The following ZFHX3 variants were observed in gnomAD, a reference collection of about 807,000 sequenced individuals.
The protein encoded by ZFHX3 is zinc finger homeobox protein 3.
Under a neutral mutation model 279.1 loss-of-function variants are expected in ZFHX3, and 42 were observed. The observed-to-expected ratio is 0.15, with a 90% CI of 0.12 to 0.19. The LOEUF is 0.19. Ranked by LOEUF, ZFHX3 falls within the 10% of genes least tolerant of loss-of-function variation. The pLI is 1.00. For missense variants in ZFHX3, 4,981 were observed against 4,754.0 expected (o/e 1.05, Z -1.40); for synonymous variants, 2,293 against 1,957.8 (o/e 1.17, Z -4.52).
chr16:73,289,819 AG>A (rs1170902398), intron 4 of ZFHX3, among the ~76,000 whole-genome samples: 4 of 152,116 alleles, frequency 2.6e-5, no homozygotes, highest in African/African-American at 9.7e-5. Context: ...GGAATCCAGG[AG>A]GGAGTGTGAG....
intron 2 of ZFHX3, among the ~76,000 whole-genome samples, chr16:73,667,792 T>C (rs373333488): frequency 3.5e-4 from 53 of 152,338 alleles, no homozygotes; most frequent in Admixed American, 2.3e-3. Flanking sequence ...CCACAAAACC[T>C]ACTGCACTGA....
chr16:73,322,872 G>A (rs2015605450), intron 3 of ZFHX3, among the ~76,000 whole-genome samples: 1 of 152,220 alleles, frequency 6.6e-6, no homozygotes, highest in African/African-American at 2.4e-5. Flanking sequence ...CTGACGGTCA[G>A]CAAACTGCAG....
At chr16:73,283,505 G>A (rs947263190) in intron 4 of ZFHX3, among the ~76,000 whole-genome samples, 1 of 152,126 alleles carries the variant, frequency 6.6e-6, no homozygotes, top group Non-Finnish European at 1.5e-5. Context: ...CTCCAGGCCC[G>A]CTACTGGGGG....
intron 4 of ZFHX3, among the ~76,000 whole-genome samples, chr16:73,266,146 A>G (rs189204716): frequency 2.1e-3 from 316 of 152,294 alleles, no homozygotes; most frequent in Non-Finnish European, 3.5e-3. Flanking sequence ...TACAAATGCA[A>G]ATGTAACCTT....
intron 2 of ZFHX3, among the ~76,000 whole-genome samples, chr16:73,573,106 A>G (rs1051079408): frequency 4.6e-5 from 7 of 152,218 alleles, no homozygotes; most frequent in Non-Finnish European, 7.3e-5. Context: ...CAAGATAATA[A>G]GAGAGTTATA....
Position 72,787,363 on chromosome 16 carries a change from G to A in ZFHX3, c.10913C>T (p.Ser3638Phe), listed in dbSNP as rs368096979. The A allele has an allele frequency of 3.8e-5, 61 of 1,611,786 alleles. No individual in the cohort carries two copies. Among genetic ancestry groups the A allele is most frequent in the Non-Finnish European group, 5.1e-5 (60 of 1,178,614 alleles). The change falls in exon 10 of 10, where the codon TCT becomes TTT. Residue 3638 changes from serine (S) to phenylalanine (F), a missense_variant. Around this residue, in one of 7 missense-constraint regions of ZFHX3, gnomAD observed 1,034 missense variants for 786.0 expected, o/e 1.32. Transcript: ENST00000268489. ...GCATGAACTTGAGGTAACCGTTGAA[G>A]ATGAGGAGAGAGGAGGAAAAGAAGG... ...KPPSFPPLSS[S>F]STVTSSSCST... is the part of the protein sequence containing the mutation.
intron 1 of ZFHX3, among the ~76,000 whole-genome samples, chr16:73,036,412 G>A (rs974339179): frequency 1.3e-5 from 2 of 152,198 alleles, no homozygotes; most frequent in Non-Finnish European, 2.9e-5. Flanking sequence ...GCGCTCTGCC[G>A]CTTTGTGGGG....
intron 1 of ZFHX3, chr16:73,809,664 A>T (rs899453299): frequency 6.6e-6 from 1 of 152,140 alleles, no homozygotes; most frequent in African/African-American, 2.4e-5. Flanking sequence ...TCTCTCATGC[A>T]ACTCACCCTC....
intron 1 of ZFHX3, among the ~76,000 whole-genome samples, chr16:73,884,466 T>A (rs760753505): frequency 1.3e-5 from 2 of 152,204 alleles, no homozygotes; most frequent in Non-Finnish European, 2.9e-5. Context: ...GCCATATGAC[T>A]TGGTTGGAGC....
At chr16:73,891,381 T>G (rs1475869703) in intron 1 of ZFHX3, among the ~76,000 whole-genome samples, 1 of 152,028 alleles carries the variant, frequency 6.6e-6, no homozygotes, top group East Asian at 1.9e-4. Flanking sequence ...CAGTCCTATT[T>G]GCATATTCAC....
At chr16:73,708,846 T>C (rs1285663839) in intron 1 of ZFHX3, among the ~76,000 whole-genome samples, 3 of 152,128 alleles carry the variant, frequency 2.0e-5, no homozygotes, top group African/African-American at 7.2e-5. Context: ...TGGGAAAAGA[T>C]GAATGGGCTC....
chr16:73,502,909 G>A (rs1014344883), intron 2 of ZFHX3, among the ~76,000 whole-genome samples: 2 of 152,220 alleles, frequency 1.3e-5, no homozygotes, highest in Non-Finnish European at 2.9e-5. Flanking sequence ...GCTCCTTGTA[G>A]CCTAAAAGTG....
intron 1 of ZFHX3, among the ~76,000 whole-genome samples, chr16:72,997,860 G>A (rs570877622): frequency 6.6e-5 from 10 of 151,182 alleles, no homozygotes; most frequent in Admixed American, 2.0e-4. Flanking sequence ...CGGCAAGATC[G>A]CTTGAGCCCA....
chr16:72,908,541 G>T (rs537427074), intron 3 of ZFHX3, among the ~76,000 whole-genome samples: 2 of 152,152 alleles, frequency 1.3e-5, no homozygotes, highest in Admixed American at 6.5e-5. Flanking sequence ...TTGATCGTCC[G>T]TTCACTTACC....
chr16:73,791,303 G>A (rs1045604611), intron 1 of ZFHX3, among the ~76,000 whole-genome samples: 10 of 151,730 alleles, frequency 6.6e-5, no homozygotes, highest in South Asian at 2.1e-4. Flanking sequence ...CAAGCTTGAC[G>A]CCAAATGTAT....
chr16:73,730,755 G>A (rs779190922), intron 1 of ZFHX3, among the ~76,000 whole-genome samples: 21 of 152,200 alleles, frequency 1.4e-4, no homozygotes, highest in African/African-American at 4.3e-4. Flanking sequence ...AACAAAGAGA[G>A]CAAGTGCCAG....
chr16:73,601,676 A>G (rs546676765), intron 2 of ZFHX3, among the ~76,000 whole-genome samples: 12 of 152,068 alleles, frequency 7.9e-5, no homozygotes, highest in Non-Finnish European at 1.3e-4. Context: ...TCTTCCTTCA[A>G]TTTTGTCACT....
rs563393991 is a variant in ZFHX3 at position 73,306,056 on chromosome 16, G to A, written c.-1194+12184C>T. Among the ~76,000 whole-genome samples the A allele has an allele frequency of 2.0e-5, 3 of 152,290 alleles. No individual in the cohort carries two copies. In the South Asian group the frequency reaches 6.2e-4, roughly 32 times the overall value. On this transcript the variant is annotated intron_variant, in intron 4 of 17. Transcript: ENST00000641206. ...CATTTCTTACAAAATCTCAGGTGAC[G>A]CTGACGCGACCTGTGGACCACACAT...
Position 72,958,096 on chromosome 16 carries a change from G to C in ZFHX3, c.2050C>G (p.Gln684Glu), listed in dbSNP as rs1351368567. ...PKCNWHYKYQQTLEAHMKEKH... is the reference protein window; with the variant it reads ...PKCNWHYKYQETLEAHMKEKH... ...TCCTTCATGTGTGCCTCCAGGGTCT[G>C]CTGGTACTTATAGTGCCAGTTGCAC... The change falls in exon 2 of 10, where the codon CAG (glutamine) becomes GAG (glutamate). Residue 684 changes from glutamine to glutamate, a missense_variant. Physicochemically the swap from Gln to Glu is conservative, Grantham distance 29. Coordinates refer to ENST00000268489, the MANE Select transcript of ZFHX3 (RefSeq NM_006885.4). 1.2e-6 allele frequency: 2 copies of C among 1,614,148 alleles called. No homozygotes were observed. The highest frequency in any genetic ancestry group is 4.5e-5 in the East Asian group (2 of 44,876).
Sources: gnomAD v4.1 joint callset for allele counts (sites outside exome capture counted in the v4.1 genomes callset) on GRCh38, gnomAD v4.1.1 for gene constraint, gnomAD v4.1.1 regional missense constraint, MANE v1.5 for transcripts, NCBI Gene and HGNC (gene_info 2026-07-23, HGNC 2026-07-21) for gene names.